RNLS: variants seen among roughly 807,000 people sequenced by gnomAD.
RNLS encodes renalase, FAD dependent amine oxidase, also known as renalase.
RNLS carries 39 observed loss-of-function variants against 39.8 expected under a neutral mutation model. The ratio of observed to expected loss-of-function variants is 0.98; its 90% CI spans 0.76 to 1.28. RNLS has a LOEUF of 1.28. Among genes scored for constraint, RNLS ranks in the 50% most tolerant of loss-of-function variants. The pLI is 0.00. For missense variants in RNLS, 410 were observed against 413.3 expected (o/e 0.99, Z 0.07); for synonymous variants, 147 against 150.7 (o/e 0.98, Z 0.18).
intron 5 of RNLS, among the ~76,000 whole-genome samples, chr10:88,336,638 T>C (rs1374449605): frequency 1.3e-5 from 2 of 152,180 alleles, no homozygotes; most frequent in Admixed American, 6.5e-5. Context: ...CAATGAAAAA[T>C]TGTTCACACA....
intron 4 of RNLS, among the ~76,000 whole-genome samples, chr10:88,566,519 T>C (rs1590032365): frequency 6.6e-6 from 1 of 151,914 alleles, no homozygotes; most frequent in Non-Finnish European, 1.5e-5. Context: ...AAAATACATA[T>C]CAGAAAAATT....
chr10:88,571,993 G>A (rs892695819), intron 4 of RNLS, among the ~76,000 whole-genome samples: 1 of 152,106 alleles, frequency 6.6e-6, no homozygotes. Context: ...AAAGTGGCAG[G>A]AAAAAGATGT....
intron 4 of RNLS, among the ~76,000 whole-genome samples, chr10:88,473,112 T>C (rs1038793832): frequency 6.6e-6 from 1 of 152,120 alleles, no homozygotes; most frequent in African/African-American, 2.4e-5. Context: ...CTGAATACTG[T>C]AGGCAACTGT....
the RNLS span, among the ~76,000 whole-genome samples, chr10:88,259,966 T>G: frequency 6.6e-6 from 1 of 152,158 alleles, no homozygotes; most frequent in Non-Finnish European, 1.5e-5. Flanking sequence ...GGTCTCGATT[T>G]CTTGACCTCG....
the RNLS span, among the ~76,000 whole-genome samples, chr10:88,253,206 A>G: frequency 3.5e-4 from 53 of 152,184 alleles, 1 homozygote; most frequent in Non-Finnish European, 5.0e-4. Flanking sequence ...GTCACTGTCC[A>G]GGCAAGAGTC....
intron 4 of RNLS, among the ~76,000 whole-genome samples, chr10:88,431,302 T>G (rs117819586): frequency 0.01 from 1,560 of 151,650 alleles, 7 homozygotes; most frequent in Non-Finnish European, 0.017. Flanking sequence ...TACCAGTATC[T>G]CTACAGACTT....
chr10:88,289,689 A>G (rs1843533193), intron 6 of RNLS, among the ~76,000 whole-genome samples: 1 of 152,140 alleles, frequency 6.6e-6, no homozygotes, highest in South Asian at 2.1e-4. Context: ...ACCATATGAA[A>G]GTGTGCAATA....
intron 4 of RNLS, among the ~76,000 whole-genome samples, chr10:88,543,489 T>G (rs1848148481): frequency 1.3e-5 from 2 of 152,220 alleles, no homozygotes. Flanking sequence ...GTTTTACAAT[T>G]TAGATGAACC....
chr10:88,245,986 A>G, the RNLS span, among the ~76,000 whole-genome samples: 1 of 152,242 alleles, frequency 6.6e-6, no homozygotes, highest in Non-Finnish European at 1.5e-5. Context: ...TTCAGTGGCT[A>G]TAAAATCTCC....
At chr10:88,179,420 A>G in the RNLS span, among the ~76,000 whole-genome samples, 1 of 152,330 alleles carries the variant, frequency 6.6e-6, no homozygotes, top group African/African-American at 2.4e-5. Flanking sequence ...ATTCTTTTAA[A>G]GAATCTCTCT....
chr10:88,461,627 G>A lies in RNLS; in HGVS notation c.527-98902C>T, dbSNP rs1049934825. On this transcript the variant is annotated intron_variant, in intron 4 of 6. Coordinates refer to ENST00000331772, the MANE Select transcript of RNLS (RefSeq NM_001031709.3). Reference sequence around the variant, plus strand: ...ATGTGTCTTGCAACCACATCCAGCTGTTGGTCCCTGGAGGCAATGTGTCTC... The same window carrying A: ...ATGTGTCTTGCAACCACATCCAGCTATTGGTCCCTGGAGGCAATGTGTCTC... 3.3e-5 allele frequency among the ~76,000 whole-genome samples: 5 copies of A among 152,064 alleles called. No individual in the cohort carries two copies. In the South Asian group the frequency reaches 1.0e-3, roughly 31 times the overall value.
chr10:88,325,732 T>C (rs1271981134), intron 5 of RNLS, among the ~76,000 whole-genome samples: 1 of 152,198 alleles, frequency 6.6e-6, no homozygotes, highest in Non-Finnish European at 1.5e-5. Flanking sequence ...TCAATTGTGT[T>C]GGTCTCTCTA....
At chr10:88,240,527 T>C in the RNLS span, among the ~76,000 whole-genome samples, 2 of 152,240 alleles carry the variant, frequency 1.3e-5, no homozygotes, top group African/African-American at 4.8e-5. Flanking sequence ...TTTTCTATTT[T>C]GGTTAATTGA....
At chr10:88,566,927 T>G (rs751841915) in intron 4 of RNLS, among the ~76,000 whole-genome samples, 6 of 151,960 alleles carry the variant, frequency 3.9e-5, no homozygotes, top group Non-Finnish European at 8.8e-5. Flanking sequence ...CTTATGAAAT[T>G]ACTGGGCTCA....
intron 4 of RNLS, among the ~76,000 whole-genome samples, chr10:88,492,521 C>A (rs1436420013): frequency 6.7e-6 from 1 of 150,158 alleles, no homozygotes; most frequent in Non-Finnish European, 1.5e-5. Context: ...CAGGCTCAAG[C>A]GATTCTCCTG....
chr10:88,332,170 T>A (rs1363960279), intron 5 of RNLS, among the ~76,000 whole-genome samples: 1 of 152,268 alleles, frequency 6.6e-6, no homozygotes, highest in African/African-American at 2.4e-5. Context: ...CTAGTTCTTA[T>A]ATATAGGTTA....
At chr10:88,201,438 G>T in the RNLS span, among the ~76,000 whole-genome samples, 3 of 152,150 alleles carry the variant, frequency 2.0e-5, no homozygotes, top group Admixed American at 2.0e-4. Context: ...GAACACTGAG[G>T]TTCCATGGTA....
intron 5 of RNLS, among the ~76,000 whole-genome samples, chr10:88,353,630 A>G (rs554322320): frequency 6.6e-6 from 1 of 152,306 alleles, no homozygotes; most frequent in Non-Finnish European, 1.5e-5. Context: ...TTTACTTCCA[A>G]CTATGTGGTC....
intron 4 of RNLS, among the ~76,000 whole-genome samples, chr10:88,444,592 C>A (rs1338775271): frequency 6.6e-6 from 1 of 152,100 alleles, no homozygotes; most frequent in African/African-American, 2.4e-5. Context: ...AGACGAATGG[C>A]TAACTAGAGT....
Sources: gnomAD v4.1 joint callset for allele counts (sites outside exome capture counted in the v4.1 genomes callset) on GRCh38, gnomAD v4.1.1 for gene constraint, MANE v1.5 for transcripts, NCBI Gene and HGNC (gene_info 2026-07-23, HGNC 2026-07-21) for gene names.